The following FGF13 variants were observed in gnomAD, a reference collection of about 807,000 sequenced individuals.
The protein encoded by FGF13 is fibroblast growth factor 13.
Under a neutral mutation model 19.5 loss-of-function variants are expected in FGF13, and 2 were observed. That is an observed-to-expected ratio of 0.10 (90% CI 0.04 to 0.32). The LOEUF is 0.32. Ranked by LOEUF, FGF13 falls within the 10% of genes least tolerant of loss-of-function variation. The pLI is 1.00. For missense variants in FGF13, 113 were observed against 192.7 expected (o/e 0.59, Z 2.45); for synonymous variants, 72 against 76.9 (o/e 0.94, Z 0.33).
In FGF13 at chrX:138,621,616, G is replaced by A. The variant is rs1428103019; in HGVS notation, c.*11234C>T. ...GAAGTAAATATCAGAACAGAAAAAA[G>A]TGAAATAGAAACTAGAAAAATAAAA... On this transcript the variant is annotated 3_prime_UTR_variant, in exon 5 of 5. Coordinates refer to ENST00000315930, the MANE Select transcript of FGF13 (RefSeq NM_004114.5). 4 of 111,005 alleles carry A rather than the reference G, an allele frequency of 3.6e-5. No individual in the cohort carries two copies. Among genetic ancestry groups the A allele is most frequent in the Non-Finnish European group, 7.6e-5 (4 of 52,854 alleles). 9.1% of individuals were successfully genotyped at this position (111,005 alleles called of 1,213,427 possible). A position where few individuals can be genotyped will look rare whatever the true frequency, so the allele number is the denominator to read the frequency against.
intron 3 of FGF13, among the ~76,000 whole-genome samples, chrX:138,768,701 TTA>T (rs72137780): frequency 0.054 from 5,321 of 98,500 alleles, 231 homozygotes; most frequent in East Asian, 0.11. Flanking sequence ...TAAGTATATA[TTA>T]TATATATATA....
At chrX:138,954,739 C>T (rs960905269) in intron 1 of FGF13, among the ~76,000 whole-genome samples, 9 of 111,723 alleles carry the variant, frequency 8.1e-5, no homozygotes, top group South Asian at 3.7e-4. Flanking sequence ...GATCCCTCAA[C>T]GTTCACCCTA....
chrX:138,660,763 A>G (rs142720266), intron 3 of FGF13, among the ~76,000 whole-genome samples: 1,900 of 110,926 alleles, frequency 0.017, 31 homozygotes, highest in African/African-American at 0.058. Context: ...ACCCTTTCCA[A>G]CCTCTAGTAA....
chrX:138,980,027 T>A (rs2124330127), intron 1 of FGF13, among the ~76,000 whole-genome samples: 1 of 112,253 alleles, frequency 8.9e-6, no homozygotes, highest in African/African-American at 3.2e-5. Context: ...AAATGTATAA[T>A]CAATATGCAA....
chrX:139,080,622 C>A (rs975125849), intron 1 of FGF13, among the ~76,000 whole-genome samples: 1 of 111,933 alleles, frequency 8.9e-6, no homozygotes, highest in African/African-American at 3.2e-5. Flanking sequence ...GAAAAACACA[C>A]AACCATGCTG....
chrX:138,932,466 C>T (rs1467278864), intron 1 of FGF13, among the ~76,000 whole-genome samples: 8 of 107,025 alleles, frequency 7.5e-5, no homozygotes, highest in African/African-American at 2.7e-4. Context: ...GTAATCCCAG[C>T]TACTCTGGAG....
rs181124643 is a variant in FGF13 at position 139,172,115 on chromosome X, A to G, written c.-113+31301T>C. Among the ~76,000 whole-genome samples the G allele has an allele frequency of 3.6e-5, 4 of 112,191 alleles. No homozygotes were observed. The East Asian group carries it at 1.1e-3, about 32-fold the overall frequency. The stretch of plus-strand genomic sequence containing the variant: ...ATGATTTCAACATAAAAACTCAAAT[A>G]TGACTCTATATTTCTACTTTATTTG... On this transcript the variant is annotated intron_variant, in intron 1 of 2. Coordinates refer to the FGF13 transcript ENST00000421460.
rs745759772 is a variant in FGF13, at chrX:138,708,794, A to G, written c.298+24T>C. The G allele has an allele frequency of 6.5e-5, 62 of 956,542 alleles. No individual in the cohort carries two copies. In the Admixed American group the frequency reaches 1.3e-3, roughly 19 times the overall value. 78.8% of individuals were successfully genotyped at this position (956,542 alleles called of 1,213,427 possible). On this transcript the variant is annotated intron_variant, in intron 2 of 4. Coordinates refer to ENST00000315930, the MANE Select transcript of FGF13 (RefSeq NM_004114.5). ...GAATGTTAACAACATGCTGGCATATACTATTTATTTTGCAGTCACTTACTG... is the reference window on the plus strand; with the variant it reads ...GAATGTTAACAACATGCTGGCATATGCTATTTATTTTGCAGTCACTTACTG...
In FGF13 at chrX:139,108,909, G is replaced by A. The variant is rs72616263; in HGVS notation, c.-113+94507C>T. ...TGTGTCCATGTGTTCTCATTGTTCC[G>A]CTCCCACTTATAAGTGAGCACATGC... On this transcript the variant is annotated intron_variant, in intron 1 of 2. Transcript: ENST00000421460. Among the ~76,000 whole-genome samples the A allele has an allele frequency of 8.0e-3, 730 of 91,345 alleles. 9 individuals carry two copies. Among genetic ancestry groups the A allele is most frequent in the African/African-American group, 0.026 (628 of 23,819 alleles). 79.3% of individuals were successfully genotyped at this position (91,345 alleles called of 115,157 possible).
intron 1 of FGF13, among the ~76,000 whole-genome samples, chrX:139,030,646 C>T (rs904815848): frequency 3.0e-4 from 34 of 111,556 alleles, no homozygotes; most frequent in African/African-American, 7.8e-4. Context: ...TCAGCTGGGA[C>T]GACTAGAGCA....
At chrX:138,847,393 GT>G (rs754297323) in intron 3 of FGF13, among the ~76,000 whole-genome samples, 1 of 111,567 alleles carries the variant, frequency 9.0e-6, no homozygotes, top group Non-Finnish European at 1.9e-5. Context: ...TGTAGATATA[GT>G]CTTGGGGCCA....
intron 1 of FGF13, among the ~76,000 whole-genome samples, chrX:138,868,562 G>C (rs2091341833): frequency 9.0e-6 from 1 of 110,992 alleles, no homozygotes; most frequent in East Asian, 2.8e-4. Flanking sequence ...CAATATTATA[G>C]GCTAAATTGC....
chrX:138,695,034 A>C (rs867589152), intron 3 of FGF13, among the ~76,000 whole-genome samples: 16 of 85,508 alleles, frequency 1.9e-4, no homozygotes, highest in Middle Eastern at 6.1e-3. Context: ...CACACACACA[A>C]ACCCAGAAAA....
intron 1 of FGF13, among the ~76,000 whole-genome samples, chrX:138,717,624 T>G (rs925402911): frequency 9.0e-6 from 1 of 111,091 alleles, no homozygotes; most frequent in African/African-American, 3.3e-5. Flanking sequence ...TGTTGGTTTG[T>G]TTTGTTTTGT....
chrX:139,128,461 G>T (rs1394098418), intron 1 of FGF13, among the ~76,000 whole-genome samples: 1 of 112,045 alleles, frequency 8.9e-6, no homozygotes, highest in East Asian at 2.8e-4. Context: ...TCTCCCCAGT[G>T]CTTGTGCCAT....
At chrX:139,006,501 C>G (rs1353651827) in intron 1 of FGF13, among the ~76,000 whole-genome samples, 1 of 111,589 alleles carries the variant, frequency 9.0e-6, no homozygotes, top group Non-Finnish European at 1.9e-5. Flanking sequence ...GTACAAAACT[C>G]ACTACTAATA....
At position 138,765,498 on chromosome X, in the gene FGF13, A is replaced by G. The variant is rs754853861; in HGVS notation, c.218-56570T>C. On this transcript the variant is annotated intron_variant, in intron 3 of 6. Transcript: ENST00000436198. Reference sequence around the variant, plus strand: ...TCCCAGTGCCCATTTGTTATGTAGTAGAAAACACCCAAGACATCTTTCAAA... The same window carrying G: ...TCCCAGTGCCCATTTGTTATGTAGTGGAAAACACCCAAGACATCTTTCAAA... Among the ~76,000 whole-genome samples, 7 of 112,496 alleles carry G rather than the reference A, an allele frequency of 6.2e-5. No homozygotes were observed. In the South Asian group the frequency reaches 2.6e-3, roughly 41 times the overall value.
At chrX:138,923,264 T>C (rs1316771029) in intron 1 of FGF13, among the ~76,000 whole-genome samples, 1 of 111,632 alleles carries the variant, frequency 9.0e-6, no homozygotes, top group Admixed American at 9.5e-5. Context: ...GTGAGATGGG[T>C]CATACTACTG....
At chrX:138,846,202 T>C (rs2091181585) in intron 3 of FGF13, among the ~76,000 whole-genome samples, 1 of 109,249 alleles carries the variant, frequency 9.2e-6, no homozygotes, top group African/African-American at 3.3e-5. Context: ...TGTGTGTGTG[T>C]GTGTGTGTGT....
Sources: allele counts gnomAD v4.1 joint callset (sites outside exome capture counted in the v4.1 genomes callset), GRCh38; gene constraint gnomAD v4.1.1; transcripts MANE v1.5; gene names NCBI Gene and HGNC (gene_info 2026-07-23, HGNC 2026-07-21).